The following KCNIP4 variants were observed in gnomAD, a reference collection of about 807,000 sequenced individuals.
KCNIP4 encodes the protein potassium voltage-gated channel interacting protein 4.
KCNIP4 carries 12 observed loss-of-function variants against 34.0 expected under a neutral mutation model. The ratio of observed to expected loss-of-function variants is 0.35; its 90% confidence interval spans 0.23 to 0.57. The LOEUF is 0.57. Ranked by LOEUF, KCNIP4 falls within the 20% of genes least tolerant of loss-of-function variation. The pLI is 0.83. For missense variants in KCNIP4, 238 were observed against 311.7 expected (o/e 0.76, Z 1.78); for synonymous variants, 124 against 102.2 (o/e 1.21, Z -1.29).
At chr4:20,987,569 C>T (rs1223925189) in intron 1 of KCNIP4, among the ~76,000 whole-genome samples, 5 of 152,154 alleles carry the variant, frequency 3.3e-5, no homozygotes, top group Middle Eastern at 3.4e-3. Context: ...AAAACTAAGG[C>T]GCATTGGGAT....
intron 1 of KCNIP4, among the ~76,000 whole-genome samples, chr4:20,902,279 T>C (rs1351342274): frequency 6.6e-6 from 1 of 152,072 alleles, no homozygotes; most frequent in East Asian, 1.9e-4. Context: ...TCCAGGAGTC[T>C]TGGAGACAAG....
intron 1 of KCNIP4, among the ~76,000 whole-genome samples, chr4:21,087,314 C>T (rs1453070115): frequency 6.6e-6 from 1 of 151,994 alleles, no homozygotes; most frequent in African/African-American, 2.4e-5. Context: ...GTAGCTGGAA[C>T]TACAGCCATG....
intron 1 of KCNIP4, among the ~76,000 whole-genome samples, chr4:20,947,944 C>T (rs1321117517): frequency 6.6e-6 from 1 of 152,202 alleles, no homozygotes; most frequent in East Asian, 1.9e-4. Flanking sequence ...GGTATGGTCC[C>T]TTTCAATCTC....
chr4:21,830,122 A>C lies in KCNIP4; in HGVS notation c.61+118449T>G, dbSNP rs143631415. On this transcript the variant is annotated intron_variant, in intron 1 of 8. Transcript: ENST00000382152. Reference sequence around the variant, plus strand: ...ACAGACTCACTTCATCTTTGAGGAAACACAGGATAAATATTAAAGATGGAA... The same window carrying C: ...ACAGACTCACTTCATCTTTGAGGAACCACAGGATAAATATTAAAGATGGAA... 8.4e-3 allele frequency among the ~76,000 whole-genome samples: 1,280 copies of C among 152,302 alleles called. 14 individuals carry two copies. The highest frequency in any genetic ancestry group is 0.028 in the South Asian group (135 of 4,824).
At chr4:21,058,077 A>G (rs1490877100) in intron 1 of KCNIP4, among the ~76,000 whole-genome samples, 1 of 152,184 alleles carries the variant, frequency 6.6e-6, no homozygotes, top group Non-Finnish European at 1.5e-5. Flanking sequence ...TGGCCAGTAT[A>G]TATCTTAGGG....
At chr4:21,064,894 C>A (rs1232456433) in intron 1 of KCNIP4, among the ~76,000 whole-genome samples, 1 of 152,186 alleles carries the variant, frequency 6.6e-6, no homozygotes, top group African/African-American at 2.4e-5. Context: ...GTAGCCAATG[C>A]ACAATTTAAT....
intron 1 of KCNIP4, among the ~76,000 whole-genome samples, chr4:21,289,780 G>A (rs1289050735): frequency 1.3e-5 from 2 of 152,112 alleles, no homozygotes; most frequent in Non-Finnish European, 2.9e-5. Flanking sequence ...CTAGGCAGAT[G>A]CAAGAAGCTG....
intron 3 of KCNIP4, among the ~76,000 whole-genome samples, chr4:20,773,545 G>T (rs887732775): frequency 6.6e-6 from 1 of 152,162 alleles, no homozygotes; most frequent in African/African-American, 2.4e-5. Context: ...GGCGCTCAGC[G>T]TGAGTTGGAC....
chr4:21,279,083 T>A (rs1424381876), intron 1 of KCNIP4, among the ~76,000 whole-genome samples: 1 of 152,140 alleles, frequency 6.6e-6, no homozygotes, highest in African/African-American at 2.4e-5. Flanking sequence ...TCAAGGACGA[T>A]GAGTAAGAAC....
At chr4:21,879,113 C>G (rs758471894) in intron 1 of KCNIP4, among the ~76,000 whole-genome samples, 2 of 152,040 alleles carry the variant, frequency 1.3e-5, no homozygotes, top group African/African-American at 4.8e-5. Flanking sequence ...GCTTTTCCCC[C>G]CTTAGGTCCT....
chr4:20,870,556 G>T (rs188635072), intron 2 of KCNIP4, among the ~76,000 whole-genome samples: 148 of 152,120 alleles, frequency 9.7e-4, no homozygotes, highest in African/African-American at 3.3e-3. Context: ...AAAAATCTTT[G>T]TCCCCTAAAT....
intron 1 of KCNIP4, among the ~76,000 whole-genome samples, chr4:20,904,127 T>C (rs1385496344): frequency 6.6e-6 from 1 of 152,138 alleles, no homozygotes; most frequent in Non-Finnish European, 1.5e-5. Flanking sequence ...TGGAATTAAC[T>C]AGAGAACTGC....
intron 1 of KCNIP4, among the ~76,000 whole-genome samples, chr4:21,865,418 G>C (rs1397479099): frequency 6.6e-6 from 1 of 151,532 alleles, no homozygotes; most frequent in Non-Finnish European, 1.5e-5. Context: ...AGAGAGAAAA[G>C]GAAAGGAAAG....
chr4:21,257,375 C>G (rs1054443394), intron 1 of KCNIP4, among the ~76,000 whole-genome samples: 3 of 152,070 alleles, frequency 2.0e-5, no homozygotes, highest in Non-Finnish European at 4.4e-5. Context: ...AGTGTACCCC[C>G]CAGACAAGTG....
chr4:21,903,248 AT>A (rs1453487071), intron 1 of KCNIP4, among the ~76,000 whole-genome samples: 1 of 152,096 alleles, frequency 6.6e-6, no homozygotes. Flanking sequence ...AATTTGAGAT[AT>A]TTTTTTGACA....
chr4:21,917,936 C>T (rs1728731459), intron 1 of KCNIP4, among the ~76,000 whole-genome samples: 1 of 152,156 alleles, frequency 6.6e-6, no homozygotes, highest in Non-Finnish European at 1.5e-5. Context: ...AGTAGACACT[C>T]CACCTTGCAG....
intron 1 of KCNIP4, among the ~76,000 whole-genome samples, chr4:21,613,030 C>T (rs1376012843): frequency 6.6e-6 from 1 of 152,098 alleles, no homozygotes; most frequent in East Asian, 1.9e-4. Flanking sequence ...TTCTGAGACC[C>T]TGGTTTCATC....
chr4:21,724,377 A>T (rs765435054), intron 1 of KCNIP4, among the ~76,000 whole-genome samples: 2 of 152,036 alleles, frequency 1.3e-5, no homozygotes, highest in Non-Finnish European at 2.9e-5. Context: ...TGTGGGAAAA[A>T]AGTTACAAAT....
chr4:21,642,047 C>T (rs1475827198), intron 1 of KCNIP4, among the ~76,000 whole-genome samples: 1 of 152,208 alleles, frequency 6.6e-6, no homozygotes, highest in Admixed American at 6.5e-5. Context: ...CTTTTCTGCA[C>T]ACGATGTTTC....
Sources: allele counts gnomAD v4.1 joint callset (sites outside exome capture counted in the v4.1 genomes callset), GRCh38; gene constraint gnomAD v4.1.1; transcripts MANE v1.5; gene names NCBI Gene and HGNC (gene_info 2026-07-23, HGNC 2026-07-21).